The following SLC24A2 variants were observed in gnomAD, a reference collection of about 807,000 sequenced individuals.
SLC24A2 encodes sodium/potassium/calcium exchanger 2.
A neutral mutation model predicts 62.0 loss-of-function variants in SLC24A2; 36 were observed. That is an observed-to-expected ratio of 0.58 (90% CI 0.44 to 0.77). SLC24A2 has a LOEUF of 0.77. SLC24A2 is among the 30% of genes least tolerant of loss of function. The probability of loss-of-function intolerance (pLI) is 0.00; values close to 1 mark genes in which losing one functional copy is unlikely to be tolerated. For synonymous variants in SLC24A2, 358 were observed against 294.0 expected (o/e 1.22, Z -2.23); for missense variants, 846 against 817.9 (o/e 1.03, Z -0.42).
chr9:19,905,804 T>A, the SLC24A2 span, among the ~76,000 whole-genome samples: 2 of 152,058 alleles, frequency 1.3e-5, no homozygotes, highest in East Asian at 3.9e-4. Flanking sequence ...AAAACACAGA[T>A]TAACAGGAGG....
the SLC24A2 span, among the ~76,000 whole-genome samples, chr9:20,239,234 T>G: frequency 2.6e-5 from 4 of 152,220 alleles, no homozygotes; most frequent in Admixed American, 2.6e-4. Context: ...CCAGTTACAT[T>G]TGAATTTCAG....
chr9:20,036,565 A>G, the SLC24A2 span, among the ~76,000 whole-genome samples: 2 of 152,132 alleles, frequency 1.3e-5, no homozygotes, highest in African/African-American at 4.8e-5. Flanking sequence ...TAGATTCCAC[A>G]TGTAAGTGAG....
At chr9:20,079,981 A>G in the SLC24A2 span, among the ~76,000 whole-genome samples, 1 of 152,234 alleles carries the variant, frequency 6.6e-6, no homozygotes, top group East Asian at 1.9e-4. Flanking sequence ...AAAAGAGGAT[A>G]TAAACAAATG....
the SLC24A2 span, among the ~76,000 whole-genome samples, chr9:20,036,847 T>C: frequency 6.6e-6 from 1 of 151,846 alleles, no homozygotes; most frequent in Non-Finnish European, 1.5e-5. Context: ...TGTATATATA[T>C]GTGTGTGTGT....
chr9:19,550,047 T>A, intron 8 of SLC24A2, 90 bp downstream of exon 8: 9 of 1,366,648 alleles, frequency 6.6e-6, no homozygotes, highest in Non-Finnish European at 9.4e-6. Flanking sequence ...GTACTTCCTT[T>A]TTCCTTTTAA....
At chr9:19,785,660 A>G (rs758417285) in intron 2 of SLC24A2, among the ~76,000 whole-genome samples, 7 of 152,198 alleles carry the variant, frequency 4.6e-5, no homozygotes, top group Non-Finnish European at 7.3e-5. Flanking sequence ...GAGACAAATA[A>G]CTGCTGAATT....
chr9:20,019,275 G>GAAAGAAAGA, the SLC24A2 span, among the ~76,000 whole-genome samples: 3 of 148,420 alleles, frequency 2.0e-5, 1 homozygote, highest in South Asian at 6.4e-4. Context: ...AAGAAAGAAA[G>GAAAGAAAGA]AAAGAAAGAA....
At chr9:20,294,279 A>T in the SLC24A2 span, among the ~76,000 whole-genome samples, 24 of 152,162 alleles carry the variant, frequency 1.6e-4, no homozygotes, top group African/African-American at 5.8e-4. Context: ...AGTCAGGCAC[A>T]ACCCAACCCT....
At chr9:20,196,551 G>A in the SLC24A2 span, among the ~76,000 whole-genome samples, 258 of 152,226 alleles carry the variant, frequency 1.7e-3, no homozygotes, top group Middle Eastern at 3.4e-3. Flanking sequence ...GTGGCTCTGA[G>A]CCATTTATAT....
the SLC24A2 span, among the ~76,000 whole-genome samples, chr9:19,879,312 T>A: frequency 1.6e-4 from 24 of 152,250 alleles, no homozygotes; most frequent in Non-Finnish European, 8.8e-5. Context: ...TTAATTTGTA[T>A]GCAGTCTGCA....
the SLC24A2 span, among the ~76,000 whole-genome samples, chr9:19,898,741 CAAAAAAAAAA>C: frequency 5.1e-5 from 5 of 97,272 alleles, no homozygotes; most frequent in Admixed American, 1.1e-4. Flanking sequence ...GACTCCATCT[CAAAAAAAAAA>C]AAAAAAAAAA....
the SLC24A2 span, among the ~76,000 whole-genome samples, chr9:20,124,849 G>A: frequency 6.6e-6 from 1 of 152,210 alleles, no homozygotes; most frequent in African/African-American, 2.4e-5. Flanking sequence ...CAGAGGGTAA[G>A]AATATTGGGT....
the SLC24A2 span, among the ~76,000 whole-genome samples, chr9:19,901,062 G>C: frequency 6.6e-6 from 1 of 152,146 alleles, no homozygotes; most frequent in African/African-American, 2.4e-5. Flanking sequence ...TGGCACTTGA[G>C]ACCCACTAAT....
At chr9:19,667,844 T>C (rs1035110402) in intron 2 of SLC24A2, among the ~76,000 whole-genome samples, 1 of 152,150 alleles carries the variant, frequency 6.6e-6, no homozygotes, top group Non-Finnish European at 1.5e-5. Flanking sequence ...GGAAATGTTT[T>C]TCTCTGTCTT....
intron 2 of SLC24A2, among the ~76,000 whole-genome samples, chr9:19,768,048 C>T (rs541523058): frequency 1.3e-5 from 2 of 152,156 alleles, no homozygotes; most frequent in African/African-American, 4.8e-5. Context: ...AGTTCCATTC[C>T]CACAATAACC....
At chr9:19,887,837 A>G in the SLC24A2 span, among the ~76,000 whole-genome samples, 125 of 152,360 alleles carry the variant, frequency 8.2e-4, no homozygotes, top group Non-Finnish European at 1.5e-3. Flanking sequence ...ATAAAAGGGA[A>G]TGAATTAATG....
upstream of SLC24A2, among the ~76,000 whole-genome samples, chr9:19,793,841 G>T (rs181024483): frequency 8.5e-5 from 13 of 152,092 alleles, no homozygotes; most frequent in Non-Finnish European, 1.9e-4. Context: ...CCAACAGCCC[G>T]TCAACAATCA....
the SLC24A2 span, among the ~76,000 whole-genome samples, chr9:20,125,260 C>T: frequency 2.6e-5 from 4 of 151,904 alleles, no homozygotes; most frequent in Non-Finnish European, 5.9e-5. Context: ...TTTTAGAACT[C>T]CTATTATGAC....
chr9:19,823,801 A>G, the SLC24A2 span, among the ~76,000 whole-genome samples: 3 of 152,298 alleles, frequency 2.0e-5, no homozygotes, highest in African/African-American at 7.2e-5. Flanking sequence ...CCAAAAGAGC[A>G]TGGTACTGGT....
Sources: allele counts gnomAD v4.1 joint callset (sites outside exome capture counted in the v4.1 genomes callset), GRCh38; gene constraint gnomAD v4.1.1; transcripts MANE v1.5; gene names NCBI Gene and HGNC (gene_info 2026-07-23, HGNC 2026-07-21).